RSPO2: variants seen among roughly 807,000 people sequenced by gnomAD.
RSPO2 encodes R-spondin 2.
A neutral mutation model predicts 30.9 loss-of-function variants in RSPO2; 14 were observed. The ratio of observed to expected loss-of-function variants is 0.45; its 90% CI spans 0.30 to 0.71. The LOEUF is 0.71. RSPO2 is among the 30% of genes least tolerant of loss of function. The pLI, the probability that RSPO2 is intolerant of heterozygous loss-of-function variation, is 0.08. For missense variants in RSPO2, 264 were observed against 301.9 expected, an observed-to-expected ratio of 0.87 and a Z score of 0.93; for synonymous variants, 107 against 96.4, an observed-to-expected ratio of 1.11 and a Z score of -0.64.
chr8:107,909,263 T>TG (rs1811747930), intron 5 of RSPO2, among the ~76,000 whole-genome samples: 2 of 143,930 alleles, frequency 1.4e-5, no homozygotes, highest in African/African-American at 2.5e-5. Flanking sequence ...CCAGTTGTTT[T>TG]TTTTTTTTTT....
intron 2 of RSPO2, among the ~76,000 whole-genome samples, chr8:108,038,003 C>G (rs1811649177): frequency 6.6e-6 from 1 of 152,144 alleles, no homozygotes; most frequent in Non-Finnish European, 1.5e-5. Flanking sequence ...TTTCAACTTT[C>G]AAGTCTTATT....
chr8:107,992,200 C>T (rs1287153416), intron 2 of RSPO2, among the ~76,000 whole-genome samples: 2 of 151,622 alleles, frequency 1.3e-5, no homozygotes, highest in Non-Finnish European at 2.9e-5. Context: ...CACACACACA[C>T]ACACCATGGA....
At chr8:107,997,845 G>A (rs914962418) in intron 2 of RSPO2, among the ~76,000 whole-genome samples, 2 of 152,138 alleles carry the variant, frequency 1.3e-5, no homozygotes, top group African/African-American at 4.8e-5. Flanking sequence ...ATCTCATAGA[G>A]TATTTTATGT....
chr8:107,958,169 A>G lies in RSPO2; in HGVS notation c.527T>C (p.Ile176Thr). 3 of 1,613,768 alleles carry G rather than the reference A, an allele frequency of 1.9e-6. No individual in the cohort carries two copies. The highest frequency in any genetic ancestry group is 1.1e-5 in the South Asian group (1 of 91,072). The change falls in exon 5 of 6, where the codon ATT (isoleucine) becomes ACT (threonine). Residue 176 changes from isoleucine to threonine, a missense_variant. Ile to Thr is a moderately conservative substitution (Grantham distance 89, BLOSUM62 -1). Coordinates refer to ENST00000276659, the MANE Select transcript of RSPO2 (RefSeq NM_178565.5). ...TGTGTCTTTCACTGGCTTTTTAACA[A>G]TTTGCCGTGTTCTGGTTTCCAGACC... ...KWGLETRTRQ[I>T]VKKPVKDTIL...
chr8:108,025,077 A>G (rs1381830921), intron 2 of RSPO2, among the ~76,000 whole-genome samples: 1 of 152,206 alleles, frequency 6.6e-6, no homozygotes, highest in Admixed American at 6.5e-5. Flanking sequence ...AAACAAATTT[A>G]TAAGTGTATA....
intron 5 of RSPO2, among the ~76,000 whole-genome samples, chr8:107,918,103 AAT>A (rs1416752303): frequency 6.6e-6 from 1 of 152,170 alleles, no homozygotes; most frequent in Non-Finnish European, 1.5e-5. Flanking sequence ...GGACTGAACT[AAT>A]AGACAAGTAA....
chr8:108,063,498 AG>A (rs1254659162), intron 2 of RSPO2, among the ~76,000 whole-genome samples: 2 of 151,856 alleles, frequency 1.3e-5, no homozygotes, highest in Non-Finnish European at 2.9e-5. Flanking sequence ...CTCTTCAAGG[AG>A]AACTACAAAC....
chr8:107,951,368 A>T (rs1338368501), intron 5 of RSPO2, among the ~76,000 whole-genome samples: 1 of 152,092 alleles, frequency 6.6e-6, no homozygotes, highest in Admixed American at 6.6e-5. Flanking sequence ...AAGTTGTTCT[A>T]AAAAATGATT....
At chr8:108,065,213 T>C (rs1812624850) in intron 2 of RSPO2, among the ~76,000 whole-genome samples, 1 of 148,006 alleles carries the variant, frequency 6.8e-6, no homozygotes, top group Non-Finnish European at 1.5e-5. Flanking sequence ...GACGTGTTAA[T>C]AGGTGCAGCA....
chr8:108,060,208 AG>A (rs894222909), intron 2 of RSPO2, among the ~76,000 whole-genome samples: 2 of 151,740 alleles, frequency 1.3e-5, no homozygotes, highest in African/African-American at 2.4e-5. Flanking sequence ...AGTTGAGAGA[AG>A]AAGGCTTCAG....
chr8:107,917,670 A>T (rs150611641), intron 5 of RSPO2, among the ~76,000 whole-genome samples: 3,330 of 152,278 alleles, frequency 0.022, 64 homozygotes, highest in Non-Finnish European at 0.033. Flanking sequence ...TATGAAAGTC[A>T]TACAGGAAGC....
chr8:108,059,091 A>G (rs1812361646), intron 2 of RSPO2, among the ~76,000 whole-genome samples: 1 of 151,868 alleles, frequency 6.6e-6, no homozygotes, highest in African/African-American at 2.4e-5. Context: ...AATTTTTGCA[A>G]CCTACTCATC....
At chr8:108,022,691 C>T (rs1239719319) in intron 2 of RSPO2, among the ~76,000 whole-genome samples, 7 of 151,802 alleles carry the variant, frequency 4.6e-5, no homozygotes, top group African/African-American at 1.5e-4. Context: ...TTTGGGAGGC[C>T]GAGGTGGGCG....
intron 2 of RSPO2, among the ~76,000 whole-genome samples, chr8:108,028,786 T>G (rs1437212993): frequency 6.6e-6 from 1 of 152,196 alleles, no homozygotes; most frequent in Non-Finnish European, 1.5e-5. Flanking sequence ...GAAATCATGA[T>G]GCCTTGTCAT....
At chr8:108,012,688 G>A (rs1810748875) in intron 2 of RSPO2, among the ~76,000 whole-genome samples, 1 of 152,128 alleles carries the variant, frequency 6.6e-6, no homozygotes, top group Admixed American at 6.6e-5. Flanking sequence ...GTAATTAATT[G>A]ATCCTATTCA....
intron 2 of RSPO2, among the ~76,000 whole-genome samples, chr8:108,011,148 A>AAAGAAAG (rs559265290): frequency 4.4e-4 from 62 of 140,476 alleles, no homozygotes; most frequent in Non-Finnish European, 3.3e-4. Context: ...AAAAAAAAAA[A>AAAGAAAG]AAAGAAAGAA....
intron 2 of RSPO2, among the ~76,000 whole-genome samples, chr8:108,037,246 G>C (rs1482539267): frequency 6.6e-6 from 1 of 152,202 alleles, no homozygotes; most frequent in Non-Finnish European, 1.5e-5. Flanking sequence ...TGAAAACACA[G>C]ATAGGTGAAA....
At chr8:108,011,274 G>T (rs756512108) in intron 2 of RSPO2, among the ~76,000 whole-genome samples, 2 of 151,948 alleles carry the variant, frequency 1.3e-5, no homozygotes, top group African/African-American at 4.8e-5. Context: ...TGACTTGGTT[G>T]TGCCCATAGG....
At chr8:107,904,123 C>T (rs754912177) in intron 5 of RSPO2, among the ~76,000 whole-genome samples, 4 of 152,004 alleles carry the variant, frequency 2.6e-5, no homozygotes, top group African/African-American at 4.8e-5. Context: ...GACATACAAA[C>T]GTGCTAATTT....
Sources: allele counts gnomAD v4.1 joint callset (sites outside exome capture counted in the v4.1 genomes callset), GRCh38; gene constraint gnomAD v4.1.1; transcripts MANE v1.5; gene names NCBI Gene and HGNC (gene_info 2026-07-23, HGNC 2026-07-21).